The following SPATA17 variants were observed in gnomAD, a reference collection of about 807,000 sequenced individuals.
SPATA17 encodes the protein spermatogenesis associated 17, also known as spermatogenesis-associated protein 17.
Under a neutral mutation model 62.2 loss-of-function variants are expected in SPATA17, and 53 were observed. The ratio of observed to expected loss-of-function variants is 0.85; its 90% CI spans 0.68 to 1.07. The LOEUF (loss-of-function observed/expected upper bound fraction) is 1.07. SPATA17 is among the 50% of genes least tolerant of loss of function. SPATA17 has a pLI of 0.00. For synonymous variants in SPATA17, 146 were observed against 146.8 expected, an observed-to-expected ratio of 0.99 and a Z score of 0.04; for missense variants, 466 against 425.5, an observed-to-expected ratio of 1.10 and a Z score of -0.84.
chr1:217,703,364 G>T (rs558031698), intron 5 of SPATA17, among the ~76,000 whole-genome samples: 84 of 151,776 alleles, frequency 5.5e-4, no homozygotes, highest in Non-Finnish European at 9.6e-4. Flanking sequence ...TAGAGACGGG[G>T]TTTCGCCATG....
intron 6 of SPATA17, among the ~76,000 whole-genome samples, chr1:217,764,163 A>C (rs781280537): frequency 6.6e-6 from 1 of 152,156 alleles, no homozygotes; most frequent in Admixed American, 6.5e-5. Flanking sequence ...TAACAAATCT[A>C]TAATGACATA....
At chr1:217,797,723 C>T (rs1322025183) in intron 8 of SPATA17, among the ~76,000 whole-genome samples, 1 of 151,972 alleles carries the variant, frequency 6.6e-6, no homozygotes, top group East Asian at 1.9e-4. Flanking sequence ...CAATTCTTTC[C>T]CAACTTTTAA....
chr1:217,672,065 CA>C (rs1670842882), intron 4 of SPATA17, among the ~76,000 whole-genome samples: 1 of 152,086 alleles, frequency 6.6e-6, no homozygotes, highest in Non-Finnish European at 1.5e-5. Context: ...GGACTCCAGC[CA>C]ATTTATTTGT....
chr1:217,782,754 A>G (rs1376712217), intron 8 of SPATA17, among the ~76,000 whole-genome samples: 2 of 152,142 alleles, frequency 1.3e-5, no homozygotes, highest in Non-Finnish European at 2.9e-5. Flanking sequence ...GAAAGAAGTT[A>G]GCTTCTTTAT....
intron 9 of SPATA17, among the ~76,000 whole-genome samples, chr1:217,823,903 G>T (rs1674927398): frequency 6.6e-6 from 1 of 151,814 alleles, no homozygotes; most frequent in Admixed American, 6.6e-5. Context: ...TATTTTATCT[G>T]ATACAAGTAT....
chr1:217,652,665 T>G (rs935512160), intron 3 of SPATA17, among the ~76,000 whole-genome samples: 4 of 152,116 alleles, frequency 2.6e-5, no homozygotes, highest in African/African-American at 9.7e-5. Flanking sequence ...AAAGGAAAAA[T>G]TGGGAAGAAG....
intron 5 of SPATA17, among the ~76,000 whole-genome samples, chr1:217,699,847 T>C (rs1027354476): frequency 6.6e-6 from 1 of 152,190 alleles, no homozygotes; most frequent in Non-Finnish European, 1.5e-5. Context: ...ATTCTACATT[T>C]GTTTGTGATT....
intron 6 of SPATA17, among the ~76,000 whole-genome samples, chr1:217,771,474 T>C (rs979415069): frequency 6.6e-6 from 1 of 152,074 alleles, no homozygotes; most frequent in East Asian, 1.9e-4. Flanking sequence ...AATATGGCAA[T>C]TGAGACAATA....
chr1:217,826,916 G>A (rs1675013482), intron 9 of SPATA17, among the ~76,000 whole-genome samples: 1 of 152,046 alleles, frequency 6.6e-6, no homozygotes, highest in African/African-American at 2.4e-5. Flanking sequence ...TTTTTCTGAT[G>A]ATGGAGGACT....
intron 6 of SPATA17, among the ~76,000 whole-genome samples, chr1:217,760,681 A>T (rs909472635): frequency 6.6e-6 from 1 of 152,188 alleles, no homozygotes; most frequent in Non-Finnish European, 1.5e-5. Flanking sequence ...AGTTTAACAA[A>T]TGCCCAATTA....
intron 8 of SPATA17, among the ~76,000 whole-genome samples, chr1:217,788,634 C>T (rs866970191): frequency 2.0e-5 from 3 of 152,036 alleles, no homozygotes; most frequent in African/African-American, 7.2e-5. Context: ...CCTTTCCTAG[C>T]TTTAAAGATG....
intron 9 of SPATA17, among the ~76,000 whole-genome samples, chr1:217,841,734 T>C (rs1675407749): frequency 6.6e-6 from 1 of 151,858 alleles, no homozygotes; most frequent in Non-Finnish European, 1.5e-5. Context: ...GACCATGTTA[T>C]GAATAATACA....
intron 6 of SPATA17, among the ~76,000 whole-genome samples, chr1:217,743,248 T>C (rs574884706): frequency 6.6e-6 from 1 of 152,080 alleles, no homozygotes; most frequent in East Asian, 1.9e-4. Context: ...AAAGATACTT[T>C]TAAAAATTAA....
chr1:217,719,967 G>T (rs545230692), intron 5 of SPATA17, among the ~76,000 whole-genome samples: 10 of 152,300 alleles, frequency 6.6e-5, no homozygotes, highest in Admixed American at 2.0e-4. Flanking sequence ...GAATCGATAA[G>T]CAAGGACCTA....
At chr1:217,651,372 A>G (rs2102884232) in intron 3 of SPATA17, among the ~76,000 whole-genome samples, 194 bp downstream of exon 3, 1 of 152,270 alleles carries the variant, frequency 6.6e-6, no homozygotes, top group East Asian at 1.9e-4. Context: ...GAATTGACCC[A>G]TTTTTTGGTA....
chr1:217,749,977 CTCTCTCTCTATA>C (rs1250281861), intron 6 of SPATA17, among the ~76,000 whole-genome samples: 188 of 35,654 alleles, frequency 5.3e-3, no homozygotes, highest in African/African-American at 0.02. Flanking sequence ...CTCTCTCTCT[CTCTCTCTCTATA>C]TATATATATA....
chr1:217,758,200 T>G (rs900476320), intron 6 of SPATA17, among the ~76,000 whole-genome samples: 1 of 152,224 alleles, frequency 6.6e-6, no homozygotes, highest in African/African-American at 2.4e-5. Context: ...TCACATATCC[T>G]ATGAGATAGA....
Position 217,634,309 on chromosome 1 carries a change from A to G in SPATA17, c.68+2863A>G, listed in dbSNP as rs548068630. Among the ~76,000 whole-genome samples, 4 of 152,294 alleles carry G rather than the reference A, an allele frequency of 2.6e-5. No individual in the cohort carries two copies. The South Asian group carries it at 8.3e-4, about 32-fold the overall frequency. ...ACTGAAATCTGTCTCCCTGAGCATT[A>G]GGGGATCAGAGTTTTTAAGTATGAT... On this transcript the variant is annotated intron_variant, in intron 1 of 10. Transcript: ENST00000366933.
At chr1:217,863,020 A>G (rs1346465653) in intron 10 of SPATA17, among the ~76,000 whole-genome samples, 164 bp downstream of exon 10, 1 of 152,140 alleles carries the variant, frequency 6.6e-6, no homozygotes, top group Non-Finnish European at 1.5e-5. Flanking sequence ...ATGGTTTTCA[A>G]CATTTAAAAG....
Sources: allele counts gnomAD v4.1 joint callset (sites outside exome capture counted in the v4.1 genomes callset), GRCh38; gene constraint gnomAD v4.1.1; transcripts MANE v1.5; gene names NCBI Gene and HGNC (gene_info 2026-07-23, HGNC 2026-07-21).